The following ATP8A1 variants were observed in gnomAD, a reference collection of about 807,000 sequenced individuals.
The protein encoded by ATP8A1 is phospholipid-transporting ATPase IA.
Under a neutral mutation model 177.7 loss-of-function variants are expected in ATP8A1, and 90 were observed. The observed-to-expected ratio is 0.51, with a 90% CI of 0.43 to 0.60. The LOEUF is 0.60. Ranked by LOEUF, ATP8A1 falls within the 20% of genes least tolerant of loss-of-function variation. The pLI is 0.00. For synonymous variants in ATP8A1, 493 were observed against 485.9 expected (o/e 1.01, Z -0.19); for missense variants, 1,072 against 1,392.8 (o/e 0.77, Z 3.67).
chr4:42,580,407 A>G (rs1732912179), intron 10 of ATP8A1, among the ~76,000 whole-genome samples: 1 of 152,234 alleles, frequency 6.6e-6, no homozygotes, highest in South Asian at 2.1e-4. Context: ...TAGGAAGGCA[A>G]CATTTAAAGG....
chr4:42,438,758 C>A (rs1234713995), intron 33 of ATP8A1, among the ~76,000 whole-genome samples: 1 of 152,126 alleles, frequency 6.6e-6, no homozygotes, highest in South Asian at 2.1e-4. Context: ...AAAGAAGGTA[C>A]TGAATTCCTC....
At chr4:42,630,284 T>C (rs1738594053) in intron 1 of ATP8A1, among the ~76,000 whole-genome samples, 1 of 152,206 alleles carries the variant, frequency 6.6e-6, no homozygotes, top group African/African-American at 2.4e-5. Context: ...TGGAGTTCTA[T>C]TCCTCGTTTT....
chr4:42,514,660 A>G (rs1266697587), intron 22 of ATP8A1, among the ~76,000 whole-genome samples: 2 of 152,192 alleles, frequency 1.3e-5, no homozygotes, highest in South Asian at 2.1e-4. Flanking sequence ...CAAGTCTCCA[A>G]TATTTTATAC....
chr4:42,478,436 G>T (rs1721308582), intron 25 of ATP8A1, among the ~76,000 whole-genome samples: 1 of 152,128 alleles, frequency 6.6e-6, no homozygotes, highest in African/African-American at 2.4e-5. Context: ...ACATATGATA[G>T]ATATTTTTCA....
chr4:42,519,609 G>T (rs1271535490), intron 22 of ATP8A1, among the ~76,000 whole-genome samples: 2 of 152,170 alleles, frequency 1.3e-5, no homozygotes, highest in Non-Finnish European at 2.9e-5. Flanking sequence ...GCTTGTGCAT[G>T]AGCATGTAAA....
chr4:42,648,074 G>C (rs549723612), intron 1 of ATP8A1, among the ~76,000 whole-genome samples: 9 of 152,116 alleles, frequency 5.9e-5, no homozygotes, highest in Non-Finnish European at 1.3e-4. Context: ...TAATTGAAGA[G>C]GGAAACTAAG....
At chr4:42,547,557 G>A (rs1007180645) in intron 19 of ATP8A1, among the ~76,000 whole-genome samples, 1 of 152,132 alleles carries the variant, frequency 6.6e-6, no homozygotes, top group African/African-American at 2.4e-5. Context: ...GTATCTAAAT[G>A]GCAATTAATA....
chr4:42,517,258 A>C (rs1725647365), intron 22 of ATP8A1, among the ~76,000 whole-genome samples: 1 of 148,096 alleles, frequency 6.8e-6, no homozygotes, highest in Non-Finnish European at 1.5e-5. Flanking sequence ...CCGACACTGC[A>C]CTTTAGCCTG....
At chr4:42,648,188 G>T (rs1405106049) in intron 1 of ATP8A1, among the ~76,000 whole-genome samples, 1 of 152,100 alleles carries the variant, frequency 6.6e-6, no homozygotes, top group Non-Finnish European at 1.5e-5. Flanking sequence ...TTGATTCAAT[G>T]ATGTACTCAT....
At chr4:42,624,135 G>A (rs116323824) in intron 4 of ATP8A1, among the ~76,000 whole-genome samples, 203 of 151,822 alleles carry the variant, frequency 1.3e-3, no homozygotes, top group African/African-American at 4.6e-3. Flanking sequence ...ATTAAATAAG[G>A]TGAGAAGAAA....
intron 33 of ATP8A1, among the ~76,000 whole-genome samples, chr4:42,442,913 A>G (rs1051153963): frequency 6.6e-6 from 1 of 152,200 alleles, no homozygotes; most frequent in Non-Finnish European, 1.5e-5. Context: ...ATTTCCTGCA[A>G]TTGAAATCAT....
At chr4:42,475,791 G>A (rs868563565) in intron 25 of ATP8A1, among the ~76,000 whole-genome samples, 47 of 152,046 alleles carry the variant, frequency 3.1e-4, no homozygotes, top group African/African-American at 1.1e-3. Context: ...TAATCCCAGC[G>A]CTTTGGGAGG....
rs766613625 is a variant in ATP8A1 at position 42,423,630 on chromosome 4, C to T, written c.3199G>A (p.Val1067Met). Residue 1067 changes from valine to methionine, a missense_variant, in exon 34 of 37, where the codon GTG (valine) becomes ATG (methionine). This residue lies in a region of ATP8A1 where 316 missense variants were observed against 459.1 expected (regional missense o/e 0.69). Coordinates refer to ENST00000381668, the MANE Select transcript of ATP8A1 (RefSeq NM_006095.2). ...GTATATACTTACACCTTGTACACCA[C>T]ATCAAGGAGCAGAGATGCCACAGGG... The part of the protein sequence containing the change: ...FIPVASLLLD[V>M]VYKVIKRTAF... 3.7e-6 allele frequency: 6 copies of T among 1,610,664 alleles called. No homozygotes were observed. In the Admixed American group the frequency reaches 8.4e-5, roughly 22 times the overall value.
intron 1 of ATP8A1, among the ~76,000 whole-genome samples, chr4:42,634,737 C>T (rs1324755417): frequency 6.6e-6 from 1 of 152,078 alleles, no homozygotes; most frequent in Non-Finnish European, 1.5e-5. Flanking sequence ...CATGCATATG[C>T]AAAAATTCTA....
rs1417662806 is a variant in ATP8A1 at position 42,413,948 on chromosome 4, CAAAT to C, written c.3397+675_3397+678del. On this transcript the variant is annotated intron_variant, in intron 36 of 36. Transcript: ENST00000381668. Reference sequence around the variant, plus strand: ...ACATTCCCCTTGGCTCTCAGCATCACAAATAAACTCACTCACGCCCCGACATGGC... The same window carrying C: ...ACATTCCCCTTGGCTCTCAGCATCACAAACTCACTCACGCCCCGACATGGC... Among the ~76,000 whole-genome samples the C allele has an allele frequency of 7.2e-5, 11 of 152,370 alleles. No individual in the cohort carries two copies. The East Asian group carries it at 1.5e-3, about 21-fold the overall frequency.
intron 25 of ATP8A1, among the ~76,000 whole-genome samples, chr4:42,479,450 C>G (rs1407265871): frequency 6.6e-6 from 1 of 152,238 alleles, no homozygotes; most frequent in Non-Finnish European, 1.5e-5. Flanking sequence ...AAAGCTAACT[C>G]TGCTTCCCTT....
intron 30 of ATP8A1, among the ~76,000 whole-genome samples, chr4:42,448,426 C>G (rs181558364): frequency 0.1 from 423 of 4,112 alleles, 1 homozygote; most frequent in Admixed American, 0.15. Context: ...GAGATGGAGT[C>G]TCACTCTGTT....
intron 20 of ATP8A1, among the ~76,000 whole-genome samples, chr4:42,537,414 C>T (rs1450093099): frequency 6.6e-6 from 1 of 151,600 alleles, no homozygotes; most frequent in East Asian, 1.9e-4. Context: ...AAGTTCTAGC[C>T]AGAGCAATCA....
intron 31 of ATP8A1, among the ~76,000 whole-genome samples, chr4:42,445,985 C>T (rs1369961042): frequency 2.1e-5 from 3 of 145,306 alleles, no homozygotes; most frequent in Non-Finnish European, 4.4e-5. Context: ...GAGGCTGAGG[C>T]AGGAGAATCA....
Sources: allele counts gnomAD v4.1 joint callset (sites outside exome capture counted in the v4.1 genomes callset), GRCh38; gene constraint gnomAD v4.1.1; regional missense constraint gnomAD v4.1.1; transcripts MANE v1.5; gene names NCBI Gene and HGNC (gene_info 2026-07-23, HGNC 2026-07-21).